IL1RAPL1: variants seen among roughly 807,000 people sequenced by gnomAD.
IL1RAPL1 encodes the protein interleukin-1 receptor accessory protein-like 1.
IL1RAPL1 carries 3 observed loss-of-function variants against 48.4 expected under a neutral mutation model. The ratio of observed to expected loss-of-function variants is 0.06; its 90% CI spans 0.03 to 0.16. The LOEUF is 0.16. IL1RAPL1 is among the 10% of genes least tolerant of loss of function. The pLI is 1.00. For missense variants in IL1RAPL1, 349 were observed against 530.6 expected (o/e 0.66, Z 3.36); for synonymous variants, 185 against 187.7 (o/e 0.99, Z 0.12).
chrX:28,724,019 TG>T (rs1935628662), intron 1 of IL1RAPL1, among the ~76,000 whole-genome samples: 1 of 111,616 alleles, frequency 9.0e-6, no homozygotes, highest in African/African-American at 3.3e-5. Context: ...TCCAACTATG[TG>T]GTCAGTTTTG....
intron 3 of IL1RAPL1, among the ~76,000 whole-genome samples, chrX:29,363,778 T>C (rs867445579): frequency 2.0e-4 from 22 of 110,692 alleles, no homozygotes; most frequent in African/African-American, 6.6e-4. Flanking sequence ...CCAGATCTCG[T>C]GAGAACTCTA....
chrX:29,253,439 C>T (rs1158735734), intron 2 of IL1RAPL1, among the ~76,000 whole-genome samples: 1 of 111,058 alleles, frequency 9.0e-6, no homozygotes, highest in Non-Finnish European at 1.9e-5. Context: ...ACAATGAAAG[C>T]TAAGTAGTCT....
intron 6 of IL1RAPL1, among the ~76,000 whole-genome samples, chrX:29,906,461 A>AT (rs1491358200): frequency 0.031 from 4 of 127 alleles, no homozygotes; most frequent in Admixed American, 0.059. Context: ...AACTTTGTAA[A>AT]TATATATATA....
chrX:29,347,848 A>C (rs1182575712), intron 3 of IL1RAPL1, among the ~76,000 whole-genome samples: 1 of 111,686 alleles, frequency 9.0e-6, no homozygotes, highest in African/African-American at 3.3e-5. Context: ...TGTAATACCA[A>C]GACAGTTAAT....
intron 6 of IL1RAPL1, among the ~76,000 whole-genome samples, chrX:29,853,191 TA>T (rs35378764): frequency 0.033 from 2,910 of 87,945 alleles, 49 homozygotes; most frequent in African/African-American, 0.065. Context: ...ATTATGGCTT[TA>T]AAAAAAAAAA....
At chrX:29,175,934 C>T (rs1477258788) in intron 2 of IL1RAPL1, among the ~76,000 whole-genome samples, 1 of 108,317 alleles carries the variant, frequency 9.2e-6, no homozygotes, top group Non-Finnish European at 1.9e-5. Flanking sequence ...TAGTATACTG[C>T]CCAATATGAT....
intron 6 of IL1RAPL1, among the ~76,000 whole-genome samples, chrX:29,773,076 T>C (rs762381312): frequency 8.9e-6 from 1 of 112,340 alleles, no homozygotes; most frequent in Non-Finnish European, 1.9e-5. Flanking sequence ...TAAGTAAATA[T>C]ACAATTAACT....
At chrX:29,251,067 G>T (rs1931598953) in intron 2 of IL1RAPL1, among the ~76,000 whole-genome samples, 1 of 114,104 alleles carries the variant, frequency 8.8e-6, no homozygotes, top group Non-Finnish European at 1.9e-5. Flanking sequence ...AAGCTGAGAT[G>T]GGAAGGAGAC....
At chrX:29,068,267 C>T (rs998707731) in intron 2 of IL1RAPL1, among the ~76,000 whole-genome samples, 4 of 112,268 alleles carry the variant, frequency 3.6e-5, no homozygotes, top group African/African-American at 9.7e-5. Context: ...TTATGCTATG[C>T]TTTTTTTCTA....
At chrX:28,978,546 T>C (rs1925258924) in intron 2 of IL1RAPL1, among the ~76,000 whole-genome samples, 1 of 111,984 alleles carries the variant, frequency 8.9e-6, no homozygotes, top group Non-Finnish European at 1.9e-5. Flanking sequence ...AATTTTGGGG[T>C]GATGCCTTGC....
intron 5 of IL1RAPL1, among the ~76,000 whole-genome samples, chrX:29,497,632 AGCTT>A (rs1320809186): frequency 9.0e-6 from 1 of 110,948 alleles, no homozygotes; most frequent in Non-Finnish European, 1.9e-5. Context: ...GCTTTTTTTC[AGCTT>A]GCTTATATTA....
intron 1 of IL1RAPL1, among the ~76,000 whole-genome samples, chrX:28,737,163 TTCCTTCCTTC>T (rs1569161809): frequency 7.1e-4 from 59 of 83,404 alleles, no homozygotes; most frequent in African/African-American, 7.7e-4. Flanking sequence ...CCTTCCTTCC[TTCCTTCCTTC>T]CTTCCTTTCT....
At chrX:29,650,685 AG>A (rs1209790116) in intron 5 of IL1RAPL1, among the ~76,000 whole-genome samples, 1 of 111,073 alleles carries the variant, frequency 9.0e-6, no homozygotes, top group Non-Finnish European at 1.9e-5. Context: ...AAGAGAACAT[AG>A]GGGGAAAACT....
chrX:29,718,558 A>G (rs774387833), intron 6 of IL1RAPL1, among the ~76,000 whole-genome samples: 153 of 105,604 alleles, frequency 1.4e-3, no homozygotes, highest in Non-Finnish European at 2.7e-3. Flanking sequence ...ATACCTATGT[A>G]ACAAAACTGC....
chrX:28,950,850 T>C (rs1924440111), intron 2 of IL1RAPL1, among the ~76,000 whole-genome samples: 1 of 108,905 alleles, frequency 9.2e-6, no homozygotes, highest in Non-Finnish European at 1.9e-5. Flanking sequence ...CTATTCACAA[T>C]AGCAAAGACT....
intron 5 of IL1RAPL1, among the ~76,000 whole-genome samples, chrX:29,601,782 C>T (rs554612071): frequency 1.4e-4 from 16 of 112,023 alleles, no homozygotes; most frequent in African/African-American, 4.5e-4. Context: ...TGAAGGGCAA[C>T]ACAACATATA....
At chrX:29,936,006 T>C (rs1261057538) in intron 8 of IL1RAPL1, among the ~76,000 whole-genome samples, 1 of 111,334 alleles carries the variant, frequency 9.0e-6, no homozygotes, top group Non-Finnish European at 1.9e-5. Context: ...TTTTGCAAGA[T>C]CAAAACTGTT....
chrX:29,407,002 G>A (rs1602220303), intron 5 of IL1RAPL1, among the ~76,000 whole-genome samples: 2 of 111,584 alleles, frequency 1.8e-5, no homozygotes, highest in East Asian at 5.6e-4. Context: ...TATTTTTTCT[G>A]GAATGTATTA....
At chrX:29,774,947 C>T (rs370372108) in intron 6 of IL1RAPL1, among the ~76,000 whole-genome samples, 51 of 112,266 alleles carry the variant, frequency 4.5e-4, no homozygotes, top group African/African-American at 1.6e-3. Context: ...AAGTACTGTG[C>T]TTTGGCAATG....
Sources: allele counts gnomAD v4.1 joint callset (sites outside exome capture counted in the v4.1 genomes callset), GRCh38; gene constraint gnomAD v4.1.1; transcripts MANE v1.5; gene names NCBI Gene and HGNC (gene_info 2026-07-23, HGNC 2026-07-21).